Variants in GALNT13 observed in about 807,000 individuals in gnomAD.
The protein encoded by GALNT13 is UDP-GalNAc:polypeptide N-acetylgalactosaminyltransferase 13.
Under a neutral mutation model 64.2 loss-of-function variants are expected in GALNT13, and 28 were observed. That is an observed-to-expected ratio of 0.44 (90% CI 0.32 to 0.60). The LOEUF is 0.60. Among genes scored for constraint, GALNT13 ranks in the 20% least tolerant of loss-of-function variants. GALNT13 has a pLI of 0.05. For missense variants in GALNT13, 577 were observed against 669.8 expected, an observed-to-expected ratio of 0.86 and a Z score of 1.53; for synonymous variants, 214 against 224.6, an observed-to-expected ratio of 0.95 and a Z score of 0.42.
chr2:153,794,917 A>G, the GALNT13 span, among the ~76,000 whole-genome samples: 1 of 152,224 alleles, frequency 6.6e-6, no homozygotes, highest in African/African-American at 2.4e-5. Flanking sequence ...ACTGTCATTC[A>G]TATCTGGTAA....
At chr2:153,404,264 C>G in the GALNT13 span, among the ~76,000 whole-genome samples, 1 of 152,072 alleles carries the variant, frequency 6.6e-6, no homozygotes, top group Non-Finnish European at 1.5e-5. Context: ...TTGGTGTCAG[C>G]CATTTTATGA....
chr2:154,051,095 G>A (rs538543669), intron 3 of GALNT13, among the ~76,000 whole-genome samples: 2 of 151,688 alleles, frequency 1.3e-5, no homozygotes, highest in African/African-American at 2.4e-5. Context: ...GTAACTCTCA[G>A]TAATAATATC....
intron 10 of GALNT13, among the ~76,000 whole-genome samples, chr2:154,401,831 A>G (rs1282925815): frequency 1.3e-5 from 2 of 152,140 alleles, no homozygotes; most frequent in African/African-American, 4.8e-5. Flanking sequence ...GATAACAATA[A>G]TTTTTGAATC....
the GALNT13 span, among the ~76,000 whole-genome samples, chr2:153,578,247 T>G: frequency 5.9e-5 from 9 of 152,184 alleles, no homozygotes; most frequent in Non-Finnish European, 5.9e-5. Flanking sequence ...GTTGGATTGT[T>G]ATATATCAAT....
chr2:153,599,407 G>A, the GALNT13 span, among the ~76,000 whole-genome samples: 8 of 151,792 alleles, frequency 5.3e-5, no homozygotes, highest in African/African-American at 1.9e-4. Context: ...TTCCTTTCTT[G>A]GTCTTTGGTA....
chr2:153,135,848 G>A, the GALNT13 span, among the ~76,000 whole-genome samples: 136,261 of 152,036 alleles, frequency 0.9, 62,200 homozygotes, highest in Non-Finnish European at 0.98. Flanking sequence ...CTGACTATAT[G>A]TAATAATAAA....
the GALNT13 span, among the ~76,000 whole-genome samples, chr2:153,733,344 TG>T: frequency 1.3e-5 from 2 of 152,162 alleles, no homozygotes; most frequent in African/African-American, 4.8e-5. Context: ...CTGCCCTTCA[TG>T]TGTTCTGAAA....
rs762749940 is a variant in GALNT13, at chr2:154,438,695, G to C, written c.1499G>C (p.Arg500Thr). 2 of 1,610,918 alleles carry C rather than the reference G, an allele frequency of 1.2e-6. No homozygotes were observed. Among genetic ancestry groups the C allele is most frequent in the Non-Finnish European group, 1.7e-6 (2 of 1,177,478 alleles). Residue 500 changes from arginine (R) to threonine (T), a missense_variant, in exon 12 of 13, where the codon AGA (arginine) becomes ACA (threonine). By Grantham distance (71) the Arg-to-Thr change is moderately conservative. Transcript: ENST00000392825. ...ATCATGTTAAAATGCCACCATATGAGAGGAAATCAGTTATGGGAATATGAT... is the reference window on the plus strand; with the variant it reads ...ATCATGTTAAAATGCCACCATATGACAGGAAATCAGTTATGGGAATATGAT... Reference protein sequence around the residue: ...PVIMLKCHHMRGNQLWEYDAE... With the variant: ...PVIMLKCHHMTGNQLWEYDAE...
intron 3 of GALNT13, among the ~76,000 whole-genome samples, chr2:154,019,655 A>ACACACACAC: frequency 9.2e-6 from 1 of 108,696 alleles, no homozygotes; most frequent in Non-Finnish European, 2.3e-5. Context: ...CACACACACA[A>ACACACACAC]AAGCAAGAAA....
chr2:153,227,308 A>T, the GALNT13 span, among the ~76,000 whole-genome samples: 1 of 152,188 alleles, frequency 6.6e-6, no homozygotes, highest in Non-Finnish European at 1.5e-5. Context: ...AAATTGCAGG[A>T]CTGAGTGCTG....
At chr2:153,527,013 TA>T in the GALNT13 span, among the ~76,000 whole-genome samples, 3 of 150,080 alleles carry the variant, frequency 2.0e-5, no homozygotes, top group South Asian at 2.1e-4. Flanking sequence ...AAAGAAGAAT[TA>T]AAAAAAAATA....
At chr2:153,112,983 T>G in the GALNT13 span, among the ~76,000 whole-genome samples, 1 of 152,066 alleles carries the variant, frequency 6.6e-6, no homozygotes, top group Non-Finnish European at 1.5e-5. Flanking sequence ...GATACTTCAC[T>G]AAAGTTTAGG....
chr2:153,557,805 T>A, the GALNT13 span, among the ~76,000 whole-genome samples: 4 of 152,160 alleles, frequency 2.6e-5, no homozygotes, highest in Admixed American at 2.6e-4. Context: ...TCTAACTTCA[T>A]TCTCCCTCTG....
chr2:153,091,189 A>G, the GALNT13 span, among the ~76,000 whole-genome samples: 1 of 152,022 alleles, frequency 6.6e-6, no homozygotes, highest in African/African-American at 2.4e-5. Context: ...CCTTCACCCT[A>G]TGACTCCCCC....
At chr2:153,752,840 G>A in the GALNT13 span, among the ~76,000 whole-genome samples, 5 of 152,014 alleles carry the variant, frequency 3.3e-5, no homozygotes, top group African/African-American at 9.7e-5. Context: ...CTTTGTACCT[G>A]TATCTCTTTC....
intron 8 of GALNT13, among the ~76,000 whole-genome samples, chr2:154,290,718 C>A (rs1329939280): frequency 6.6e-6 from 1 of 152,158 alleles, no homozygotes; most frequent in Non-Finnish European, 1.5e-5. Context: ...AAAAATGAAG[C>A]TGCGGACCCT....
At chr2:153,485,778 T>C in the GALNT13 span, among the ~76,000 whole-genome samples, 6 of 152,068 alleles carry the variant, frequency 3.9e-5, no homozygotes, top group Admixed American at 3.9e-4. Flanking sequence ...TGCATGCCTA[T>C]AGTCCCAGCT....
At chr2:153,190,222 CT>C in the GALNT13 span, among the ~76,000 whole-genome samples, 1 of 151,852 alleles carries the variant, frequency 6.6e-6, no homozygotes, top group Non-Finnish European at 1.5e-5. Context: ...AGTTTTATAG[CT>C]TTGGATATTA....
the GALNT13 span, among the ~76,000 whole-genome samples, chr2:153,336,825 C>T: frequency 1.3e-5 from 2 of 152,138 alleles, 1 homozygote; most frequent in South Asian, 4.1e-4. Context: ...CAAATCTCAG[C>T]TTGAATTGTG....
Sources: allele counts gnomAD v4.1 joint callset (sites outside exome capture counted in the v4.1 genomes callset), GRCh38; gene constraint gnomAD v4.1.1; transcripts MANE v1.5; gene names NCBI Gene and HGNC (gene_info 2026-07-23, HGNC 2026-07-21).